Variants in C2CD3 observed in about 807,000 individuals in gnomAD.
The protein encoded by C2CD3 is C2 domain containing 3 centriole elongation regulator.
In C2CD3, 148 loss-of-function variants were observed where a neutral mutation model predicts 234.0. That is an observed-to-expected ratio of 0.63 (90% CI 0.55 to 0.72). The LOEUF is 0.72. Ranked by LOEUF, C2CD3 falls within the 30% of genes least tolerant of loss-of-function variation. The probability of loss-of-function intolerance (pLI) is 0.00; values close to 1 mark genes in which losing one functional copy is unlikely to be tolerated. For missense variants in C2CD3, 2,577 were observed against 2,811.5 expected, an observed-to-expected ratio of 0.92 and a Z score of 1.89; for synonymous variants, 1,000 against 1,035.4, an observed-to-expected ratio of 0.97 and a Z score of 0.66.
chr11:74,123,578 T>C (rs1957295626), intron 7 of C2CD3, among the ~76,000 whole-genome samples: 1 of 152,144 alleles, frequency 6.6e-6, no homozygotes, highest in African/African-American at 2.4e-5. Context: ...AATACGTGTA[T>C]TTAGGACTAA....
chr11:74,034,160 T>A lies in C2CD3; in HGVS notation c.6000A>T (p.Arg2000=), dbSNP rs968749591. 1 of 1,536,206 alleles carries A rather than the reference T, an allele frequency of 6.5e-7. No homozygotes were observed. Among genetic ancestry groups the A allele is most frequent in the Non-Finnish European group, 8.7e-7 (1 of 1,146,896 alleles). The stretch of plus-strand genomic sequence containing the variant: ...CCAATGGCTCATCTGGCATTGTGCA[T>A]CGTTCTTGCAGTGCTTCTGTGTCCT... The part of the protein sequence containing the change: ...DAQDTEALQE[R]CTMPDEPLVR... The change falls in exon 31 of 33, where the codon CGA becomes CGT. Residue 2000 remains arginine, a synonymous_variant. Transcript: ENST00000334126.
At chr11:74,165,029 T>A (rs973292661) in intron 2 of C2CD3, among the ~76,000 whole-genome samples, 1 of 152,148 alleles carries the variant, frequency 6.6e-6, no homozygotes, top group Non-Finnish European at 1.5e-5. Flanking sequence ...TGTGTTTGCA[T>A]CGCTGCACTC....
rs771470837 is a variant in C2CD3, at chr11:74,037,506, C to T, written c.5853G>A (p.Leu1951=). 1 of 1,614,040 alleles carries T rather than the reference C, an allele frequency of 6.2e-7. No individual in the cohort carries two copies. Among genetic ancestry groups the T allele is most frequent in the Non-Finnish European group, 8.5e-7 (1 of 1,179,976 alleles). Residue 1951 remains leucine (L), a synonymous_variant, in exon 30 of 33, where the codon CTG becomes CTA. Transcript: ENST00000334126. ...TGATTAAGGAGCTGACTTGCAACAC[C>T]AGGTTACTGGATTTCTCCAGGATAC... is the stretch of plus-strand genomic sequence containing the variant. ...SQCILEKSSN[L]VLQVSSLITD... is the part of the protein sequence containing the mutation.
At chr11:74,152,720 G>A (rs1249104405) in intron 3 of C2CD3, among the ~76,000 whole-genome samples, 1 of 152,096 alleles carries the variant, frequency 6.6e-6, no homozygotes, top group Non-Finnish European at 1.5e-5. Context: ...GTCTGGTTTT[G>A]TTTTTAGAAA....
chr11:74,156,329 G>A (rs1334791943), intron 3 of C2CD3, among the ~76,000 whole-genome samples: 3 of 151,734 alleles, frequency 2.0e-5, no homozygotes, highest in African/African-American at 4.8e-5. Flanking sequence ...GGGGGTGGTG[G>A]TGTGTGCCTG....
rs185351178 is a variant in C2CD3, at chr11:74,131,615, T to G, written c.1217+1229A>C. ...TTTTTTTTTTGAGATGGAGTCTTAC[T>G]CCTTCTATCATCCAGGCCAGAGTGC... is the stretch of plus-strand genomic sequence containing the variant. On this transcript the variant is annotated intron_variant, in intron 7 of 32. Transcript: ENST00000334126. Among the ~76,000 whole-genome samples the G allele has an allele frequency of 2.6e-5, 4 of 151,862 alleles. No homozygotes were observed. In the East Asian group the frequency reaches 7.8e-4, roughly 29 times the overall value.
chr11:74,080,117 G>C (rs1955276064), intron 22 of C2CD3, among the ~76,000 whole-genome samples: 1 of 151,916 alleles, frequency 6.6e-6, no homozygotes, highest in Non-Finnish European at 1.5e-5. Flanking sequence ...CTATTTTCAG[G>C]GTCTTTCAGA....
At chr11:74,098,286 T>G in intron 15 of C2CD3, 31 bp from the exon 16 acceptor site, 1 of 1,605,268 alleles carries the variant, frequency 6.2e-7, no homozygotes, top group Non-Finnish European at 8.5e-7. Context: ...AATAAGCAAA[T>G]AACAAGCATC....
In C2CD3 at chr11:74,138,920, T is replaced by C. The variant is rs772373699; in HGVS notation, c.755A>G (p.Asp252Gly). The C allele has an allele frequency of 9.3e-6, 15 of 1,611,688 alleles. No homozygotes were observed. Among genetic ancestry groups the C allele is most frequent in the Non-Finnish European group, 1.3e-5 (15 of 1,177,802 alleles). The change falls in exon 5 of 33, where the codon GAT becomes GGT. Residue 252 changes from aspartate (D) to glycine (G), a missense_variant. By Grantham distance (94) the Asp-to-Gly change is moderately conservative. Transcript: ENST00000334126. ...ACTGTGCTGTAGTCCAAAGGAAGAA[T>C]CCTTTATTGTATCAGGGTTCTCTGC... ...CFAENPDTIKDSSFGLQHSLN... is the reference protein window; with the variant it reads ...CFAENPDTIKGSSFGLQHSLN...
chr11:74,080,825 A>G (rs1237847388), intron 22 of C2CD3, among the ~76,000 whole-genome samples: 1 of 152,204 alleles, frequency 6.6e-6, no homozygotes, highest in East Asian at 1.9e-4. Context: ...AGATTTTATT[A>G]AATGCTTTAA....
rs1194062858 is a variant in C2CD3 at position 74,074,587 on chromosome 11, C to T, written c.4617G>A (p.Leu1539=). ...AGAGGTTGGAAGCATTTCGTCCAAA[C>T]AGAGGATACACACCTAAAAGAAGAT... is the stretch of plus-strand genomic sequence containing the variant. ...RTLTVSGVYP[L]FGRNASNLSG... The change falls in exon 24 of 33, where the codon CTG becomes CTA. Residue 1539 remains leucine, a synonymous_variant. Coordinates refer to ENST00000334126, the MANE Select transcript of C2CD3 (RefSeq NM_001286577.2). 10 of 1,612,554 alleles carry T rather than the reference C, an allele frequency of 6.2e-6. No homozygotes were observed. The highest frequency in any genetic ancestry group is 8.5e-6 in the Non-Finnish European group (10 of 1,179,266).
intron 30 of C2CD3, among the ~76,000 whole-genome samples, chr11:74,035,682 T>C (rs1952706867): frequency 6.6e-6 from 1 of 151,766 alleles, no homozygotes; most frequent in African/African-American, 2.4e-5. Context: ...TAATGGAGCA[T>C]AATGGAGGCA....
chr11:74,022,955 T>C (rs1276887698), intron 32 of C2CD3, among the ~76,000 whole-genome samples: 1 of 152,224 alleles, frequency 6.6e-6, no homozygotes, highest in Non-Finnish European at 1.5e-5. Flanking sequence ...TGTGTGGCAC[T>C]CGTTATTCTA....
chr11:74,167,839 T>C (rs1856904926), intron 2 of C2CD3, among the ~76,000 whole-genome samples: 1 of 152,244 alleles, frequency 6.6e-6, no homozygotes, highest in Non-Finnish European at 1.5e-5. Context: ...TAATACTAAC[T>C]CACTAAACCA....
intron 14 of C2CD3, among the ~76,000 whole-genome samples, chr11:74,101,031 A>T (rs942862155): frequency 1.3e-5 from 2 of 152,236 alleles, no homozygotes; most frequent in African/African-American, 4.8e-5. Flanking sequence ...ACTGAAAGAA[A>T]GATGTTTTTG....
At chr11:74,054,758 G>T in intron 25 of C2CD3, 87 bp from the exon 26 acceptor site, 1 of 870,600 alleles carries the variant, frequency 1.1e-6, no homozygotes, top group Non-Finnish European at 1.8e-6. Flanking sequence ...CTTGTAATTT[G>T]CAAAGCACTT....
rs1336772359 is a variant in C2CD3 at position 74,168,437 on chromosome 11, T to C, written c.232A>G (p.Arg78Gly). ...ETSDGTLFCP[R>G]DALQTEPKAV... is the part of the protein sequence containing the mutation. ...TTTGGTTCAGTCTGCAATGCATCCCTGGGACAAAAGAGGGTTCCATCTGAT... is the reference window on the plus strand; with the variant it reads ...TTTGGTTCAGTCTGCAATGCATCCCCGGGACAAAAGAGGGTTCCATCTGAT... The change falls in exon 2 of 33, where the codon AGG (arginine) becomes GGG (glycine). Residue 78 changes from arginine (R) to glycine (G), a missense_variant. Coordinates refer to ENST00000334126, the MANE Select transcript of C2CD3 (RefSeq NM_001286577.2). 6.2e-7 allele frequency: 1 copy of C among 1,614,152 alleles called. No individual in the cohort carries two copies. The highest frequency in any genetic ancestry group is 1.1e-5 in the South Asian group (1 of 91,076).
At chr11:74,117,899 G>A (rs1957083346) in intron 9 of C2CD3, among the ~76,000 whole-genome samples, 1 of 147,346 alleles carries the variant, frequency 6.8e-6, no homozygotes. Flanking sequence ...GGAAACAAGA[G>A]CGAAACTCCG....
intron 32 of C2CD3, among the ~76,000 whole-genome samples, chr11:74,016,223 C>T (rs1176231734): frequency 2.6e-5 from 4 of 152,122 alleles, no homozygotes; most frequent in African/African-American, 9.7e-5. Context: ...CAATGAGCTA[C>T]CCAACAATCA....
Sources: gnomAD v4.1 joint callset for allele counts (sites outside exome capture counted in the v4.1 genomes callset) on GRCh38, gnomAD v4.1.1 for gene constraint, MANE v1.5 for transcripts, NCBI Gene and HGNC (gene_info 2026-07-23, HGNC 2026-07-21) for gene names.